Variants in APLF observed in about 807,000 individuals in gnomAD.
The protein encoded by APLF is aprataxin and PNKP like factor, also known as aprataxin and PNK-like factor.
Under a neutral mutation model 55.6 loss-of-function variants are expected in APLF, and 61 were observed. The ratio of observed to expected loss-of-function variants is 1.10; its 90% CI spans 0.89 to 1.36. The LOEUF (loss-of-function observed/expected upper bound fraction) is 1.36. Among genes scored for constraint, APLF ranks in the 40% most tolerant of loss-of-function variants. APLF has a pLI of 0.00. For missense variants in APLF, 611 were observed against 602.5 expected, an observed-to-expected ratio of 1.01 and a Z score of -0.15; for synonymous variants, 207 against 214.8, an observed-to-expected ratio of 0.96 and a Z score of 0.32.
chr2:68,470,439 A>G (rs1429428784), intron 1 of APLF, among the ~76,000 whole-genome samples: 2 of 152,216 alleles, frequency 1.3e-5, no homozygotes, highest in Admixed American at 6.5e-5. Flanking sequence ...ATATTGTACT[A>G]TAGTTTTGTA....
chr2:68,548,627 A>G (rs575440258), intron 8 of APLF, among the ~76,000 whole-genome samples: 1 of 152,096 alleles, frequency 6.6e-6, no homozygotes. Flanking sequence ...CAGTGTTGAG[A>G]TGTACTTGTA....
intron 9 of APLF, among the ~76,000 whole-genome samples, chr2:68,574,635 G>T (rs1481986539): frequency 6.6e-6 from 1 of 152,196 alleles, no homozygotes; most frequent in African/African-American, 2.4e-5. Flanking sequence ...ACATGAATGT[G>T]TAAAGGTAAA....
At chr2:68,493,879 C>T (rs1041627018) in intron 2 of APLF, among the ~76,000 whole-genome samples, 22 of 151,806 alleles carry the variant, frequency 1.4e-4, no homozygotes, top group Admixed American at 3.9e-4. Flanking sequence ...GAGGCTGAGG[C>T]GGGTGGATCA....
intron 1 of APLF, among the ~76,000 whole-genome samples, chr2:68,470,944 A>C (rs1675598018): frequency 2.0e-5 from 3 of 152,196 alleles, no homozygotes; most frequent in Admixed American, 2.0e-4. Context: ...CCATCCCCTG[A>C]CCTGGCAGCT....
Position 68,578,914 on chromosome 2 carries a change from C to G in APLF, c.*892C>G. On this transcript the variant is annotated 3_prime_UTR_variant, in exon 10 of 10. Coordinates refer to ENST00000303795, the MANE Select transcript of APLF (RefSeq NM_173545.3). ...ATATCAAGAAGAAACCACTTATTCT[C>G]CAGTTTTACAAAGTATCTTTCTGTA... The G allele has an allele frequency of 3.0e-6, 3 of 985,258 alleles. No individual in the cohort carries two copies. The highest frequency in any genetic ancestry group is 3.6e-6 in the Non-Finnish European group (3 of 829,818). 61.0% of individuals were successfully genotyped at this position (985,258 alleles called of 1,614,324 possible).
intron 8 of APLF, among the ~76,000 whole-genome samples, chr2:68,557,917 A>G (rs1443934969): frequency 6.6e-6 from 1 of 152,110 alleles, no homozygotes; most frequent in Non-Finnish European, 1.5e-5. Flanking sequence ...TCTGAAAAAA[A>G]AAAAAAATAG....
Position 68,579,493 on chromosome 2 carries a change from G to A in APLF, c.*1471G>A, listed in dbSNP as rs986279221. The A allele has an allele frequency of 1.2e-5, 9 of 736,756 alleles. No homozygotes were observed. The South Asian group carries it at 4.3e-4, about 35-fold the overall frequency. 45.6% of individuals were successfully genotyped at this position (736,756 alleles called of 1,614,324 possible). ...TTTCCACATAAAAACTGTACACAAT[G>A]TCAATAGAAGCATTATTCTTAACAG... On this transcript the variant is annotated 3_prime_UTR_variant, in exon 10 of 10. Transcript: ENST00000303795.
chr2:68,534,604 A>G (rs1330381447), intron 6 of APLF, among the ~76,000 whole-genome samples: 2 of 152,114 alleles, frequency 1.3e-5, no homozygotes, highest in Admixed American at 6.5e-5. Flanking sequence ...GTCACCCTCT[A>G]CCAGCTCCAT....
intron 6 of APLF, chr2:68,528,628 C>G: frequency 6.5e-7 from 1 of 1,533,444 alleles, no homozygotes; most frequent in Non-Finnish European, 8.7e-7. Flanking sequence ...TACCCAGCAC[C>G]TTCAAGGCCG....
chr2:68,528,328 G>A, intron 6 of APLF: 2 of 1,462,222 alleles, frequency 1.4e-6, no homozygotes, highest in Non-Finnish European at 1.9e-6. Context: ...TCTTACGCAT[G>A]TTGCCCTGCT....
intron 5 of APLF, among the ~76,000 whole-genome samples, chr2:68,523,753 A>C (rs1426783826): frequency 6.6e-6 from 1 of 151,886 alleles, no homozygotes; most frequent in Non-Finnish European, 1.5e-5. Flanking sequence ...CTATCATTTA[A>C]CTTTAAATAA....
intron 2 of APLF, among the ~76,000 whole-genome samples, chr2:68,502,242 C>T (rs1033903842): frequency 6.6e-6 from 1 of 152,104 alleles, no homozygotes; most frequent in Non-Finnish European, 1.5e-5. Context: ...TTGGGGGACA[C>T]ATTCAAACCA....
At chr2:68,523,725 T>G (rs1669955111) in intron 5 of APLF, among the ~76,000 whole-genome samples, 1 of 151,888 alleles carries the variant, frequency 6.6e-6, no homozygotes, top group African/African-American at 2.4e-5. Flanking sequence ...GTATTAATAG[T>G]TAATTTCTTT....
At chr2:68,528,418 C>A (rs1670145406) in intron 6 of APLF, 1 of 1,534,102 alleles carries the variant, frequency 6.5e-7, no homozygotes, top group South Asian at 1.2e-5. Context: ...CCGGTGGGGG[C>A]CTCTCATCTC....
chr2:68,574,671 T>C (rs768096598), intron 9 of APLF, among the ~76,000 whole-genome samples: 7 of 152,210 alleles, frequency 4.6e-5, no homozygotes, highest in South Asian at 2.1e-4. Context: ...ATGACAGATA[T>C]AAACTTTTTT....
chr2:68,555,884 G>T (rs936199485), intron 8 of APLF, among the ~76,000 whole-genome samples: 3 of 152,158 alleles, frequency 2.0e-5, no homozygotes, highest in African/African-American at 7.2e-5. Context: ...GTCGTCATAT[G>T]AAAAAGATAC....
chr2:68,553,791 A>G (rs1558551848), intron 8 of APLF, among the ~76,000 whole-genome samples: 1 of 152,120 alleles, frequency 6.6e-6, no homozygotes, highest in African/African-American at 2.4e-5. Context: ...CAACATGTTT[A>G]CTTGCTTTTT....
chr2:68,526,984 C>T (rs986784193), intron 6 of APLF, among the ~76,000 whole-genome samples: 10 of 152,206 alleles, frequency 6.6e-5, no homozygotes, highest in Admixed American at 5.2e-4. Flanking sequence ...AGATCACACA[C>T]AAGGCTGTCA....
At chr2:68,482,138 C>T (rs1162271306) in intron 1 of APLF, among the ~76,000 whole-genome samples, 5 of 150,120 alleles carry the variant, frequency 3.3e-5, no homozygotes, top group Non-Finnish European at 7.4e-5. Context: ...TAATGTGTTC[C>T]TTTGGGGTTG....
Sources: allele counts gnomAD v4.1 joint callset (sites outside exome capture counted in the v4.1 genomes callset), GRCh38; gene constraint gnomAD v4.1.1; transcripts MANE v1.5; gene names NCBI Gene and HGNC (gene_info 2026-07-23, HGNC 2026-07-21).